Variants in CTNNA1 observed in about 807,000 individuals in gnomAD.
CTNNA1 encodes catenin alpha 1, also known as catenin alpha-1.
Under a neutral mutation model 98.4 loss-of-function variants are expected in CTNNA1, and 37 were observed. The ratio of observed to expected loss-of-function variants is 0.38; its 90% CI spans 0.29 to 0.49. The LOEUF (loss-of-function observed/expected upper bound fraction) is 0.49, where lower values mean the gene tolerates loss of function less well. Ranked by LOEUF, CTNNA1 falls within the 20% of genes least tolerant of loss-of-function variation. The probability of loss-of-function intolerance (pLI) is 0.95; values close to 1 mark genes in which losing one functional copy is unlikely to be tolerated. For synonymous variants in CTNNA1, 404 were observed against 413.2 expected (o/e 0.98, Z 0.27); for missense variants, 761 against 1,147.2 (o/e 0.66, Z 4.86).
At chr5:138,757,199 CAAAAG>C (rs1200192765) in intron 1 of CTNNA1, among the ~76,000 whole-genome samples, 13 of 144,676 alleles carry the variant, frequency 9.0e-5, no homozygotes, top group Non-Finnish European at 1.4e-4. Flanking sequence ...CTGTCTCAAA[CAAAAG>C]AAAAAAAGGG....
At chr5:138,908,181 G>C (rs1056095891) in intron 10 of CTNNA1, among the ~76,000 whole-genome samples, 1 of 152,080 alleles carries the variant, frequency 6.6e-6, no homozygotes, top group African/African-American at 2.4e-5. Flanking sequence ...GTTTCACCTT[G>C]TTGGTCAGGC....
chr5:138,755,611 A>G (rs1580826150), intron 1 of CTNNA1, among the ~76,000 whole-genome samples: 1 of 152,262 alleles, frequency 6.6e-6, no homozygotes, highest in East Asian at 1.9e-4. Flanking sequence ...CAAGATGAGA[A>G]TCACTGCTCT....
chr5:138,863,498 A>AG (rs1332333692), intron 7 of CTNNA1, among the ~76,000 whole-genome samples: 1 of 152,154 alleles, frequency 6.6e-6, no homozygotes, highest in Non-Finnish European at 1.5e-5. Flanking sequence ...CTCCTGCCCC[A>AG]GGCCCCCAAA....
At chr5:138,885,883 A>C (rs764486825) in intron 7 of CTNNA1, among the ~76,000 whole-genome samples, 3 of 152,204 alleles carry the variant, frequency 2.0e-5, no homozygotes, top group Non-Finnish European at 2.9e-5. Flanking sequence ...CTTCATTAAT[A>C]AAATTGGTGT....
intron 13 of CTNNA1, among the ~76,000 whole-genome samples, chr5:138,926,083 C>T (rs979554271): frequency 1.3e-5 from 2 of 152,218 alleles, no homozygotes; most frequent in African/African-American, 4.8e-5. Flanking sequence ...CTCAACCTCA[C>T]GGCCATAGCT....
At chr5:138,839,656 T>A (rs1208135542) in intron 7 of CTNNA1, among the ~76,000 whole-genome samples, 1 of 152,222 alleles carries the variant, frequency 6.6e-6, no homozygotes, top group Non-Finnish European at 1.5e-5. Flanking sequence ...ACTTTAATTG[T>A]AGATTCGACC....
intron 1 of CTNNA1, among the ~76,000 whole-genome samples, chr5:138,761,084 A>C (rs142181789): frequency 6.6e-6 from 1 of 152,282 alleles, no homozygotes; most frequent in East Asian, 1.9e-4. Flanking sequence ...GCCTCTTCAG[A>C]AGTTGATGCC....
At position 138,913,481 on chromosome 5, in the gene CTNNA1, G is replaced by A. The variant is rs927274370; in HGVS notation, c.1390-4261G>A. ...CACCTGTAATCCCAGCTACTCAGGAGGCTGAAGTGGGAGAATCACTTGAAC... is the reference window on the plus strand; with the variant it reads ...CACCTGTAATCCCAGCTACTCAGGAAGCTGAAGTGGGAGAATCACTTGAAC... On this transcript the variant is annotated intron_variant, in intron 10 of 17. Transcript: ENST00000302763. Among the ~76,000 whole-genome samples, 7 of 152,094 alleles carry A rather than the reference G, an allele frequency of 4.6e-5. No individual in the cohort carries two copies. In the East Asian group the frequency reaches 1.2e-3, roughly 25 times the overall value.
intron 7 of CTNNA1, among the ~76,000 whole-genome samples, chr5:138,829,539 C>T (rs1156991326): frequency 1.3e-5 from 2 of 152,156 alleles, no homozygotes; most frequent in Non-Finnish European, 2.9e-5. Context: ...TGAGGTTGGT[C>T]ACATTCTTGG....
At chr5:138,847,968 A>G (rs1762876851) in intron 7 of CTNNA1, among the ~76,000 whole-genome samples, 1 of 152,196 alleles carries the variant, frequency 6.6e-6, no homozygotes, top group Non-Finnish European at 1.5e-5. Context: ...AGATAAATCA[A>G]GTGGCACCTC....
intron 7 of CTNNA1, chr5:138,870,895 A>C (rs563366498): frequency 6.6e-6 from 1 of 152,352 alleles, no homozygotes; most frequent in Admixed American, 6.5e-5. Flanking sequence ...GTCTCTGCCC[A>C]GACAAGCCCA....
Position 138,934,284 on chromosome 5 carries a change from C to CTACTTCTAGCTGTAT in CTNNA1, c.*197_*211dup. ...AAAAATGCTTTTAGAATGCAGGAGC[C>CTACTTCTAGCTGTAT]TACTTCTAGCTGTATTTTTTGTATG... On this transcript the variant is annotated 3_prime_UTR_variant, in exon 18 of 18. Transcript: ENST00000302763. The CTACTTCTAGCTGTAT allele has an allele frequency of 1.8e-6, 1 of 547,924 alleles. No individual in the cohort carries two copies. Among genetic ancestry groups the CTACTTCTAGCTGTAT allele is most frequent in the Non-Finnish European group, 3.2e-6 (1 of 313,400 alleles). 33.9% of individuals were successfully genotyped at this position (547,924 alleles called of 1,614,324 possible). A position where few individuals can be genotyped will look rare whatever the true frequency, so the allele number is the denominator to read the frequency against.
chr5:138,817,544 A>G (rs1000817105), intron 5 of CTNNA1, among the ~76,000 whole-genome samples: 6 of 152,150 alleles, frequency 3.9e-5, no homozygotes, highest in African/African-American at 1.2e-4. Flanking sequence ...AATTCCCATG[A>G]TGGGAATATT....
rs373967942 is a variant in CTNNA1 at position 138,810,004 on chromosome 5, T to G, written c.302-34T>G. 83 of 1,576,088 alleles carry G rather than the reference T, an allele frequency of 5.3e-5. No individual in the cohort carries two copies. In the African/African-American group the frequency reaches 1.0e-3, roughly 20 times the overall value. On this transcript the variant is annotated intron_variant, in intron 3 of 17. Transcript: ENST00000302763. ...ATGTAGATCAGTTATTTGAGTTCATTCTTGCTGAGTTTGTTTTTCATTCTG... is the reference window on the plus strand; with the variant it reads ...ATGTAGATCAGTTATTTGAGTTCATGCTTGCTGAGTTTGTTTTTCATTCTG...
intron 1 of CTNNA1, among the ~76,000 whole-genome samples, chr5:138,773,957 C>T (rs1003330551): frequency 6.6e-6 from 1 of 152,152 alleles, no homozygotes; most frequent in East Asian, 1.9e-4. Flanking sequence ...GATCTCATCT[C>T]ACTGCAATCT....
At chr5:138,894,281 C>CTTTTTTT (rs539073038) in intron 9 of CTNNA1, among the ~76,000 whole-genome samples, 8 of 123,948 alleles carry the variant, frequency 6.5e-5, no homozygotes, top group Non-Finnish European at 9.4e-5. Flanking sequence ...TTTTCTTTCT[C>CTTTTTTT]TTTTTTTTTT....
chr5:138,813,728 C>G (rs914220019), intron 5 of CTNNA1, among the ~76,000 whole-genome samples: 8 of 152,132 alleles, frequency 5.3e-5, no homozygotes, highest in Non-Finnish European at 8.8e-5. Flanking sequence ...AGGTGATCCT[C>G]CCACCTCAGC....
intron 4 of CTNNA1, chr5:138,811,868 A>G (rs984313239): frequency 6.8e-4 from 153 of 225,560 alleles, no homozygotes; most frequent in Admixed American, 4.3e-4. Flanking sequence ...AGATGGCAGC[A>G]GTACAGTCCA....
Position 138,934,193 on chromosome 5 carries a change from C to T in CTNNA1, c.*104C>T. The T allele has an allele frequency of 1.2e-6, 1 of 840,816 alleles. No homozygotes were observed. Among genetic ancestry groups the T allele is most frequent in the Non-Finnish European group, 1.8e-6 (1 of 541,974 alleles). The allele number at this position is 840,816 out of a possible 1,614,324, so 52.1% of individuals were successfully genotyped here. ...AATACAACACTGATACTAGATTCCA[C>T]AGGGAAATGGGCAGACTGAACCAGT... is the stretch of plus-strand genomic sequence containing the variant. On this transcript the variant is annotated 3_prime_UTR_variant, in exon 18 of 18. Coordinates refer to ENST00000302763, the MANE Select transcript of CTNNA1 (RefSeq NM_001903.5).
Sources: allele counts gnomAD v4.1 joint callset (sites outside exome capture counted in the v4.1 genomes callset), GRCh38; gene constraint gnomAD v4.1.1; transcripts MANE v1.5; gene names NCBI Gene and HGNC (gene_info 2026-07-23, HGNC 2026-07-21).